Variants in SLC35G2 observed in about 807,000 individuals in gnomAD.
The protein encoded by SLC35G2 is solute carrier family 35 member G2.
Under a neutral mutation model 27.2 loss-of-function variants are expected in SLC35G2, and 20 were observed. The ratio of observed to expected loss-of-function variants is 0.74; its 90% confidence interval spans 0.52 to 1.07. SLC35G2 has a LOEUF of 1.07. Among genes scored for constraint, SLC35G2 ranks in the 50% least tolerant of loss-of-function variants. The pLI is 0.00. For missense variants in SLC35G2, 416 were observed against 493.3 expected, an observed-to-expected ratio of 0.84 and a Z score of 1.48; for synonymous variants, 148 against 165.3, an observed-to-expected ratio of 0.90 and a Z score of 0.80.
At chr3:136,825,274 T>C (rs1670391877) in intron 1 of SLC35G2, among the ~76,000 whole-genome samples, 1 of 146,756 alleles carries the variant, frequency 6.8e-6, no homozygotes. Flanking sequence ...AGAGCCTTGC[T>C]CTGTTGTTCT....
At chr3:136,845,811 G>T (rs1461461757) in intron 1 of SLC35G2, among the ~76,000 whole-genome samples, 1 of 151,640 alleles carries the variant, frequency 6.6e-6, no homozygotes, top group East Asian at 1.9e-4. Context: ...GGCCAGGATG[G>T]TCTTGATCTC....
chr3:136,833,938 A>G (rs1010030997), intron 1 of SLC35G2, among the ~76,000 whole-genome samples: 2 of 151,974 alleles, frequency 1.3e-5, no homozygotes, highest in Non-Finnish European at 2.9e-5. Context: ...ATAAAGGTTA[A>G]TCATATACAA....
chr3:136,833,162 T>C (rs1272906633), intron 1 of SLC35G2, among the ~76,000 whole-genome samples: 1 of 151,840 alleles, frequency 6.6e-6, no homozygotes, highest in Non-Finnish European at 1.5e-5. Context: ...CCAGGGGCTA[T>C]TCAGTTTGGA....
At chr3:136,838,224 T>C (rs984778514) in intron 1 of SLC35G2, 5 of 150,282 alleles carry the variant, frequency 3.3e-5, no homozygotes, top group Non-Finnish European at 5.9e-5. Flanking sequence ...GTAAAGTCTC[T>C]TCAATTTTGC....
chr3:136,840,091 T>C (rs1937022684), intron 1 of SLC35G2, among the ~76,000 whole-genome samples: 1 of 152,228 alleles, frequency 6.6e-6, no homozygotes, highest in South Asian at 2.1e-4. Flanking sequence ...TCCATTACTT[T>C]TCCTAGTCCA....
intron 1 of SLC35G2, among the ~76,000 whole-genome samples, chr3:136,839,202 TC>T (rs1390029659): frequency 2.8e-4 from 42 of 151,980 alleles, no homozygotes; most frequent in African/African-American, 9.7e-4. Flanking sequence ...AATTGATAAA[TC>T]CACTGATTCA....
intron 1 of SLC35G2, among the ~76,000 whole-genome samples, chr3:136,847,473 C>T (rs895602048): frequency 4.6e-5 from 7 of 152,050 alleles, no homozygotes; most frequent in African/African-American, 7.2e-5. Context: ...AGAATTCTAA[C>T]GTATATCAGA....
intron 1 of SLC35G2, among the ~76,000 whole-genome samples, chr3:136,835,307 CTTTT>C (rs59937564): frequency 8.8e-6 from 1 of 113,194 alleles, no homozygotes. Context: ...AGGCCTTTTT[CTTTT>C]TTTTTTTTTT....
Position 136,831,640 on chromosome 3 carries a change from G to C in SLC35G2, c.-19+12012G>C, listed in dbSNP as rs1162070199. On this transcript the variant is annotated intron_variant, in intron 1 of 1. Transcript: ENST00000446465. ...CAGGAAAGTTGAAGGCATGTGGGTG[G>C]GAATTTGCCAGAAATTGCTTTGTTG... Among the ~76,000 whole-genome samples the C allele has an allele frequency of 3.9e-5, 6 of 152,268 alleles. No individual in the cohort carries two copies. The East Asian group carries it at 1.2e-3, about 29-fold the overall frequency.
At chr3:136,820,169 G>C (rs1936412686) in intron 1 of SLC35G2, 1 of 152,064 alleles carries the variant, frequency 6.6e-6, no homozygotes, top group East Asian at 2.0e-4. Context: ...CGAGGACCTG[G>C]AGATAGTAAC....
chr3:136,833,500 A>G (rs1936787459), intron 1 of SLC35G2, among the ~76,000 whole-genome samples: 1 of 152,090 alleles, frequency 6.6e-6, no homozygotes, highest in Non-Finnish European at 1.5e-5. Context: ...GTTTCATGGA[A>G]GACAGTTTTT....
At chr3:136,847,695 G>GC (rs1310997487) in intron 1 of SLC35G2, among the ~76,000 whole-genome samples, 3 of 152,172 alleles carry the variant, frequency 2.0e-5, no homozygotes, top group African/African-American at 7.2e-5. Flanking sequence ...GGGGCCGGGA[G>GC]CAGTGGTTCA....
At chr3:136,833,677 C>G (rs1936792461) in intron 1 of SLC35G2, among the ~76,000 whole-genome samples, 1 of 152,098 alleles carries the variant, frequency 6.6e-6, no homozygotes, top group African/African-American at 2.4e-5. Flanking sequence ...TATAATGTTG[C>G]CGTTGATCTG....
At chr3:136,829,545 AT>A (rs1457919440) in intron 1 of SLC35G2, among the ~76,000 whole-genome samples, 2 of 152,098 alleles carry the variant, frequency 1.3e-5, no homozygotes, top group African/African-American at 4.8e-5. Flanking sequence ...TTCATTGCTG[AT>A]TAATGTTCTT....
intron 1 of SLC35G2, chr3:136,841,778 T>TAA (rs1937110542): frequency 7.0e-6 from 1 of 142,484 alleles, no homozygotes; most frequent in Non-Finnish European, 1.5e-5. Context: ...TAAATAAATA[T>TAA]CAGAGTCCAT....
intron 1 of SLC35G2, among the ~76,000 whole-genome samples, chr3:136,841,180 G>A (rs1937080626): frequency 1.3e-5 from 2 of 151,928 alleles, no homozygotes; most frequent in South Asian, 4.2e-4. Flanking sequence ...TGGTTGGCAG[G>A]GTCAGGAGTG....
intron 1 of SLC35G2, among the ~76,000 whole-genome samples, chr3:136,830,562 C>A (rs559034098): frequency 1.4e-3 from 209 of 152,258 alleles, no homozygotes; most frequent in African/African-American, 4.7e-3. Context: ...GGATTACAGG[C>A]ATGAGCCACC....
chr3:136,855,189 T>C lies in SLC35G2; in HGVS notation c.729T>C (p.Asp243=). 6.2e-7 allele frequency: 1 copy of C among 1,614,206 alleles called. No homozygotes were observed. The highest frequency in any genetic ancestry group is 8.5e-7 in the Non-Finnish European group (1 of 1,180,026). The part of the protein sequence containing the change: ...VCLVMIPNIV[D]EDNSLLNAWK... ...TTGTCATGATCCCAAACATTGTTGA[T>C]GAAGACAATTCTTTGTTAAATGCCT... The change falls in exon 2 of 2, where the codon GAT becomes GAC. Residue 243 remains aspartate, a synonymous_variant. Coordinates refer to ENST00000446465, the MANE Select transcript of SLC35G2 (RefSeq NM_025246.3).
In SLC35G2 at chr3:136,854,319, CTT is replaced by C. The variant is rs1247858275; in HGVS notation, c.-18-117_-18-116del. 6 of 646,402 alleles carry C rather than the reference CTT, an allele frequency of 9.3e-6. No individual in the cohort carries two copies. In the African/African-American group the frequency reaches 1.1e-4, roughly 12 times the overall value. The allele number at this position is 646,402 out of a possible 1,614,324, so 40.0% of individuals were successfully genotyped here. On this transcript the variant is annotated intron_variant, in intron 1 of 1. Transcript: ENST00000446465. Reference sequence around the variant, plus strand: ...CATATTGCCAGATCATCTCTAATTTCTTTTTTTTCTGGACTACTGTTACAGCC... The same window carrying C: ...CATATTGCCAGATCATCTCTAATTTCTTTTTTCTGGACTACTGTTACAGCC...
Sources: allele counts gnomAD v4.1 joint callset (sites outside exome capture counted in the v4.1 genomes callset), GRCh38; gene constraint gnomAD v4.1.1; transcripts MANE v1.5; gene names NCBI Gene and HGNC (gene_info 2026-07-23, HGNC 2026-07-21).